Variants in SUGCT observed in about 807,000 individuals in gnomAD.
SUGCT encodes succinyl-CoA:glutarate CoA-transferase.
In SUGCT, 41 loss-of-function variants were observed where a neutral mutation model predicts 55.0. The observed-to-expected ratio is 0.74, with a 90% confidence interval of 0.58 to 0.97. The LOEUF (loss-of-function observed/expected upper bound fraction) is 0.97, where lower values mean the gene tolerates loss of function less well. Among genes scored for constraint, SUGCT ranks in the 50% least tolerant of loss-of-function variants. The pLI is 0.00. For synonymous variants in SUGCT, 187 were observed against 200.4 expected (o/e 0.93, Z 0.56); for missense variants, 568 against 547.8 (o/e 1.04, Z -0.37).
At chr7:40,229,334 C>T (rs1181880308) in intron 6 of SUGCT, among the ~76,000 whole-genome samples, 1 of 152,160 alleles carries the variant, frequency 6.6e-6, no homozygotes, top group African/African-American at 2.4e-5. Flanking sequence ...GCCTGGCCAA[C>T]ATGGTGAAAC....
chr7:40,371,502 C>G (rs2151254686), intron 9 of SUGCT, among the ~76,000 whole-genome samples: 1 of 152,170 alleles, frequency 6.6e-6, no homozygotes, highest in East Asian at 1.9e-4. Flanking sequence ...TTGTGCACTT[C>G]AGGTTCCTAA....
At chr7:40,191,891 TGAGGTTAGGACTTC>T (rs1785933477) in intron 5 of SUGCT, among the ~76,000 whole-genome samples, 1 of 152,028 alleles carries the variant, frequency 6.6e-6, no homozygotes, top group African/African-American at 2.4e-5. Flanking sequence ...GGGCGGATCA[TGAGGTTAGGACTTC>T]GAGACCAGCC....
At chr7:40,399,765 C>T (rs1438222029) in intron 9 of SUGCT, among the ~76,000 whole-genome samples, 2 of 152,190 alleles carry the variant, frequency 1.3e-5, no homozygotes, top group Non-Finnish European at 2.9e-5. Flanking sequence ...GCTAGTACCC[C>T]TAGTACAATG....
rs1435981796 is a variant in SUGCT, at chr7:40,630,386, T to C, written c.1090-119048T>C. On this transcript the variant is annotated intron_variant, in intron 12 of 13. Transcript: ENST00000335693. ...TTAGTTGACATTATAAAATACCTGCTATCTGCTCACAGTCGCCTGACCCAA... is the reference window on the plus strand; with the variant it reads ...TTAGTTGACATTATAAAATACCTGCCATCTGCTCACAGTCGCCTGACCCAA... 2.0e-5 allele frequency among the ~76,000 whole-genome samples: 3 copies of C among 152,230 alleles called. No homozygotes were observed. In the East Asian group the frequency reaches 5.8e-4, roughly 29 times the overall value.
intron 9 of SUGCT, among the ~76,000 whole-genome samples, chr7:40,323,802 G>A (rs1008742409): frequency 2.0e-5 from 3 of 152,160 alleles, no homozygotes; most frequent in Non-Finnish European, 4.4e-5. Context: ...GTCAAGTGGT[G>A]GATATGGCCA....
At chr7:40,544,770 T>C (rs1794900012) in intron 12 of SUGCT, among the ~76,000 whole-genome samples, 1 of 152,152 alleles carries the variant, frequency 6.6e-6, no homozygotes, top group African/African-American at 2.4e-5. Flanking sequence ...TAGTATACTG[T>C]TATTAATTTG....
chr7:40,410,153 A>G (rs993649683), intron 9 of SUGCT, among the ~76,000 whole-genome samples: 8 of 152,166 alleles, frequency 5.3e-5, no homozygotes, highest in Non-Finnish European at 1.2e-4. Context: ...TATATATGTC[A>G]TAACTGGCCA....
At chr7:40,928,979 A>T in the SUGCT span, among the ~76,000 whole-genome samples, 1 of 152,166 alleles carries the variant, frequency 6.6e-6, no homozygotes, top group South Asian at 2.1e-4. Context: ...ACATGTGCAC[A>T]ATGTGCAAGT....
intron 13 of SUGCT, among the ~76,000 whole-genome samples, chr7:40,814,386 T>A (rs905407068): frequency 6.6e-6 from 1 of 152,124 alleles, no homozygotes; most frequent in East Asian, 1.9e-4. Flanking sequence ...ACAACTTTAT[T>A]CATTTTTTAA....
intron 12 of SUGCT, among the ~76,000 whole-genome samples, chr7:40,625,143 A>G (rs1799465391): frequency 6.6e-6 from 1 of 152,012 alleles, no homozygotes; most frequent in South Asian, 2.1e-4. Context: ...TCTCGGACCT[A>G]TTCTCATGGG....
At chr7:40,880,267 G>GTTTA in the SUGCT span, among the ~76,000 whole-genome samples, 2 of 152,124 alleles carry the variant, frequency 1.3e-5, no homozygotes, top group Non-Finnish European at 2.9e-5. Context: ...AGATTTTTGG[G>GTTTA]TTTATTTAGT....
At chr7:40,471,069 T>C (rs192710993) in intron 11 of SUGCT, among the ~76,000 whole-genome samples, 1 of 152,162 alleles carries the variant, frequency 6.6e-6, no homozygotes, top group East Asian at 1.9e-4. Context: ...TTGGTGGCCA[T>C]TGATAGATAA....
At chr7:40,879,626 T>C in the SUGCT span, among the ~76,000 whole-genome samples, 11 of 152,340 alleles carry the variant, frequency 7.2e-5, no homozygotes, top group African/African-American at 2.6e-4. Flanking sequence ...GTTTCTTTTA[T>C]TCTATAATAA....
intron 8 of SUGCT, among the ~76,000 whole-genome samples, chr7:40,287,946 A>G (rs1270398741): frequency 6.6e-6 from 1 of 152,136 alleles, no homozygotes; most frequent in Non-Finnish European, 1.5e-5. Flanking sequence ...TATCCCATTT[A>G]TATGTTATTT....
chr7:40,575,642 T>G (rs1318334625), intron 12 of SUGCT, among the ~76,000 whole-genome samples: 1 of 151,534 alleles, frequency 6.6e-6, no homozygotes, highest in Non-Finnish European at 1.5e-5. Context: ...CACTTGTACC[T>G]GAAGAGTTAA....
At chr7:40,692,088 A>G (rs1784725675) in intron 12 of SUGCT, among the ~76,000 whole-genome samples, 1 of 152,138 alleles carries the variant, frequency 6.6e-6, no homozygotes, top group South Asian at 2.1e-4. Flanking sequence ...CACCTATCCT[A>G]GTCACTCGTT....
intron 7 of SUGCT, among the ~76,000 whole-genome samples, chr7:40,274,034 G>T (rs1409054465): frequency 6.8e-6 from 1 of 146,716 alleles, no homozygotes; most frequent in Admixed American, 6.9e-5. Flanking sequence ...GCCAGCTATT[G>T]GTGTGCTTAC....
chr7:40,693,529 C>G (rs1168724657), intron 12 of SUGCT, among the ~76,000 whole-genome samples: 1 of 152,170 alleles, frequency 6.6e-6, no homozygotes, highest in African/African-American at 2.4e-5. Flanking sequence ...AGTCACATGA[C>G]TAGTTTCAGA....
rs1168316176 is a variant in SUGCT at position 40,245,423 on chromosome 7, A to ATTTTTTTT, written c.576+7724_576+7731dup. 9.2e-5 allele frequency among the ~76,000 whole-genome samples: 5 copies of ATTTTTTTT among 54,594 alleles called. 1 individual carries two copies. Among genetic ancestry groups the ATTTTTTTT allele is most frequent in the African/African-American group, 3.5e-4 (4 of 11,274 alleles). The allele number at this position is 54,594 out of a possible 152,430, so 35.8% of individuals were successfully genotyped here. A position where few individuals can be genotyped will look rare whatever the true frequency, so the allele number is the denominator to read the frequency against. On this transcript the variant is annotated intron_variant, in intron 7 of 13. Coordinates refer to ENST00000335693, the MANE Select transcript of SUGCT (RefSeq NM_001193313.2). Reference sequence around the variant, plus strand: ...AGTAGACATATATATATATATATATATTTTTTTTTTTTTTTTTTTTTTTTT... The same window carrying ATTTTTTTT: ...AGTAGACATATATATATATATATATATTTTTTTTTTTTTTTTTTTTTTTTTTTTTTTTT...
Sources: gnomAD v4.1 joint callset for allele counts (sites outside exome capture counted in the v4.1 genomes callset) on GRCh38, gnomAD v4.1.1 for gene constraint, MANE v1.5 for transcripts, NCBI Gene and HGNC (gene_info 2026-07-23, HGNC 2026-07-21) for gene names.